Variants in CSMD1 observed in about 807,000 individuals in gnomAD.
CSMD1 encodes the protein CUB and Sushi multiple domains 1, also known as CUB and sushi domain-containing protein 1.
CSMD1 carries 213 observed loss-of-function variants against 417.5 expected under a neutral mutation model. The observed-to-expected ratio is 0.51, with a 90% CI of 0.46 to 0.57. The LOEUF (loss-of-function observed/expected upper bound fraction) is 0.57, where lower values mean the gene tolerates loss of function less well. Among genes scored for constraint, CSMD1 ranks in the 20% least tolerant of loss-of-function variants. The probability of loss-of-function intolerance (pLI) is 0.00; values close to 1 mark genes in which losing one functional copy is unlikely to be tolerated. For missense variants in CSMD1, 6,923 were observed against 4,529.7 expected (o/e 1.53, Z -15.17); for synonymous variants, 2,862 against 1,736.8 (o/e 1.65, Z -16.11).
Position 2,966,630 on chromosome 8 carries a change from GC to G in CSMD1, c.9039del (p.Leu3014SerfsTer2). 1 of 1,613,768 alleles carries G rather than the reference GC, an allele frequency of 6.2e-7. No homozygotes were observed. The highest frequency in any genetic ancestry group is 8.5e-7 in the Non-Finnish European group (1 of 1,179,790). ...YACWEGYKTS[G>X]LMTRHCTANG... ...TTGGCTGTGCAATGCCGTGTCATGA[GC>G]CCTGAGGTCTTGTAGCCTTCCCAGC... On this transcript the variant is annotated frameshift_variant, in exon 58 of 70. Transcript: ENST00000635120. LOFTEE classifies it high-confidence loss of function.
intron 5 of CSMD1, among the ~76,000 whole-genome samples, chr8:3,916,898 T>C (rs1038598145): frequency 3.8e-5 from 5 of 133,110 alleles, no homozygotes; most frequent in Non-Finnish European, 1.7e-5. Flanking sequence ...TGAAACAGAA[T>C]GAGACATATT....
intron 10 of CSMD1, among the ~76,000 whole-genome samples, chr8:3,505,597 A>C (rs1478639345): frequency 6.6e-6 from 1 of 152,204 alleles, no homozygotes; most frequent in African/African-American, 2.4e-5. Context: ...TTCTGTACAC[A>C]AACCCAGAAG....
At chr8:4,823,974 C>T (rs1350040699) in intron 1 of CSMD1, among the ~76,000 whole-genome samples, 2 of 151,488 alleles carry the variant, frequency 1.3e-5, no homozygotes, top group Admixed American at 1.3e-4. Flanking sequence ...ACATACACAC[C>T]CACGCATGGA....
At chr8:4,070,670 C>G (rs1799507305) in intron 3 of CSMD1, among the ~76,000 whole-genome samples, 1 of 152,042 alleles carries the variant, frequency 6.6e-6, no homozygotes, top group Admixed American at 6.6e-5. Context: ...ACCTATAACA[C>G]TCTCTATTCG....
intron 3 of CSMD1, among the ~76,000 whole-genome samples, chr8:4,107,515 G>T (rs775668490): frequency 6.6e-6 from 1 of 152,214 alleles, no homozygotes; most frequent in Non-Finnish European, 1.5e-5. Context: ...CATGTCTACA[G>T]CACTAATTGA....
chr8:4,405,928 T>G (rs575335216), intron 3 of CSMD1, among the ~76,000 whole-genome samples: 1 of 152,332 alleles, frequency 6.6e-6, no homozygotes, highest in African/African-American at 2.4e-5. Context: ...TCTCGTTTCC[T>G]TTAATTAGTA....
rs1477748093 is a variant in CSMD1, at chr8:4,589,351, A to G, written c.302+47991T>C. Among the ~76,000 whole-genome samples, 5 of 152,312 alleles carry G rather than the reference A, an allele frequency of 3.3e-5. No individual in the cohort carries two copies. The South Asian group carries it at 8.3e-4, about 25-fold the overall frequency. On this transcript the variant is annotated intron_variant, in intron 2 of 69. Coordinates refer to ENST00000635120, the MANE Select transcript of CSMD1 (RefSeq NM_033225.6). ...ATGTTTTTTCTGCCTAATTCAAAGT[A>G]TTAACCATAATATCTCACTCTTCTC...
intron 3 of CSMD1, among the ~76,000 whole-genome samples, chr8:4,380,684 A>C (rs557966786): frequency 6.6e-6 from 1 of 152,232 alleles, no homozygotes; most frequent in Admixed American, 6.5e-5. Flanking sequence ...CCATACTAAC[A>C]TAAGACATTA....
intron 1 of CSMD1, among the ~76,000 whole-genome samples, chr8:4,647,407 G>C (rs1445357151): frequency 6.6e-6 from 1 of 150,928 alleles, no homozygotes; most frequent in Non-Finnish European, 1.5e-5. Context: ...CTGTTAGGTA[G>C]GTACGCGTGT....
intron 26 of CSMD1, among the ~76,000 whole-genome samples, chr8:3,259,146 A>G (rs1262283046): frequency 6.6e-6 from 1 of 152,240 alleles, no homozygotes; most frequent in African/African-American, 2.4e-5. Context: ...GGCTAGGGCC[A>G]TATTGAGCTG....
At chr8:4,658,988 TAACTGAAAACAATACATAA>T (rs1804416808) in intron 1 of CSMD1, among the ~76,000 whole-genome samples, 1 of 152,040 alleles carries the variant, frequency 6.6e-6, no homozygotes, top group Non-Finnish European at 1.5e-5. Flanking sequence ...ACGAAGGCAA[TAACTGAAAACAATACATAA>T]AGGGAAATGA....
At chr8:4,953,679 G>T (rs1474552891) in intron 1 of CSMD1, among the ~76,000 whole-genome samples, 1 of 152,140 alleles carries the variant, frequency 6.6e-6, no homozygotes, top group African/African-American at 2.4e-5. Flanking sequence ...ATTAAGAAAA[G>T]AATTATCAAT....
At chr8:3,042,017 A>G (rs1811130718) in intron 50 of CSMD1, among the ~76,000 whole-genome samples, 1 of 152,164 alleles carries the variant, frequency 6.6e-6, no homozygotes, top group Non-Finnish European at 1.5e-5. Context: ...AGCCTTAACA[A>G]CTTTGTGCGG....
intron 10 of CSMD1, among the ~76,000 whole-genome samples, chr8:3,517,681 C>G (rs905677008): frequency 1.3e-5 from 2 of 152,100 alleles, no homozygotes; most frequent in Non-Finnish European, 2.9e-5. Context: ...CAATTTTTCA[C>G]TTGTAGACAC....
At chr8:3,618,608 G>C (rs10107222) in intron 7 of CSMD1, among the ~76,000 whole-genome samples, 27,361 of 151,902 alleles carry the variant, frequency 0.18, 2,756 homozygotes, top group African/African-American at 0.26. Context: ...GATAGCATCA[G>C]TAGATAGTGA....
intron 1 of CSMD1, among the ~76,000 whole-genome samples, chr8:4,959,792 T>C (rs777853428): frequency 2.8e-4 from 42 of 152,204 alleles, no homozygotes; most frequent in Non-Finnish European, 5.1e-4. Flanking sequence ...TGCTTATTTC[T>C]AGAATGATTT....
At chr8:3,344,781 G>A (rs1483321176) in intron 22 of CSMD1, among the ~76,000 whole-genome samples, 1 of 152,122 alleles carries the variant, frequency 6.6e-6, no homozygotes, top group Admixed American at 6.5e-5. Flanking sequence ...CACAGATATA[G>A]ATACTCAGAA....
At chr8:3,266,509 G>T (rs1427877433) in intron 26 of CSMD1, among the ~76,000 whole-genome samples, 6 of 150,890 alleles carry the variant, frequency 4.0e-5, no homozygotes, top group Admixed American at 4.0e-4. Context: ...GGGAGGCTGA[G>T]GCAGGAGAAT....
Position 3,007,947 on chromosome 8 carries a change from A to G in CSMD1, c.8030-7816T>C, listed in dbSNP as rs1808078422. ...AATAAAAGAAAAAAAACTTAAAAAA[A>G]GAAAGCTTTGTTACTGTTTGTAATT... On this transcript the variant is annotated intron_variant, in intron 52 of 69. Coordinates refer to ENST00000635120, the MANE Select transcript of CSMD1 (RefSeq NM_033225.6). 2.6e-5 allele frequency among the ~76,000 whole-genome samples: 4 copies of G among 152,168 alleles called. No individual in the cohort carries two copies. In the South Asian group the frequency reaches 8.3e-4, roughly 32 times the overall value.
Sources: allele counts gnomAD v4.1 joint callset (sites outside exome capture counted in the v4.1 genomes callset), GRCh38; gene constraint gnomAD v4.1.1; transcripts MANE v1.5; gene names NCBI Gene and HGNC (gene_info 2026-07-23, HGNC 2026-07-21).